Variants in CD28 observed in about 807,000 individuals in gnomAD.
The protein encoded by CD28 is T-cell-specific surface glycoprotein CD28.
A neutral mutation model predicts 21.4 loss-of-function variants in CD28; 8 were observed. That is an observed-to-expected ratio of 0.37 (90% CI 0.22 to 0.68). CD28 has a LOEUF of 0.68. Among genes scored for constraint, CD28 ranks in the 30% least tolerant of loss-of-function variants. The pLI is 0.55. For missense variants in CD28, 239 were observed against 272.2 expected (o/e 0.88, Z 0.86); for synonymous variants, 106 against 104.0 (o/e 1.02, Z -0.12).
rs200433800 is a variant in CD28, at chr2:203,716,491, GA to G, written c.52+9745del. Among the ~76,000 whole-genome samples the G allele has an allele frequency of 9.2e-3, 1,395 of 152,250 alleles. 22 individuals carry two copies. The highest frequency in any genetic ancestry group is 0.033 in the African/African-American group (1,350 of 41,522). On this transcript the variant is annotated intron_variant, in intron 1 of 3. Transcript: ENST00000324106. ...ACATTAAGTCCCTTATTTATTTGAT[GA>G]ATAAATGAATGAATGACGCTGTCAC...
intron 1 of CD28, among the ~76,000 whole-genome samples, chr2:203,714,456 T>C (rs1559551151): frequency 6.6e-6 from 1 of 152,168 alleles, no homozygotes; most frequent in South Asian, 2.1e-4. Context: ...ATATGGTTGC[T>C]TGACCTTGGC....
chr2:203,733,147 C>T (rs946803258), intron 3 of CD28, among the ~76,000 whole-genome samples: 2 of 152,190 alleles, frequency 1.3e-5, no homozygotes, highest in Non-Finnish European at 2.9e-5. Flanking sequence ...TGATCTTGTG[C>T]TCAAGACAGC....
chr2:203,724,962 T>G (rs1693701658), intron 1 of CD28, among the ~76,000 whole-genome samples: 2 of 152,174 alleles, frequency 1.3e-5, no homozygotes, highest in African/African-American at 4.8e-5. Context: ...CATTGAAATT[T>G]GAATCAAAGA....
intron 1 of CD28, among the ~76,000 whole-genome samples, chr2:203,720,907 A>G (rs1447228581): frequency 6.6e-6 from 1 of 152,168 alleles, no homozygotes; most frequent in African/African-American, 2.4e-5. Flanking sequence ...CCAAAAGTAA[A>G]TTTCTCTCAT....
rs1019350257 is a variant in CD28, at chr2:203,734,713, A to T, written c.535-71A>T. 4.5e-6 allele frequency: 7 copies of T among 1,550,610 alleles called. No homozygotes were observed. The African/African-American group carries it at 8.2e-5, about 18-fold the overall frequency. ...TCATTTGACAGTTAATATTATGAATAGTTGTGCCCACAGTCTTAGAACTCC... is the reference window on the plus strand; with the variant it reads ...TCATTTGACAGTTAATATTATGAATTGTTGTGCCCACAGTCTTAGAACTCC... On this transcript the variant is annotated intron_variant, in intron 3 of 3. Coordinates refer to ENST00000324106, the MANE Select transcript of CD28 (RefSeq NM_006139.4).
intron 1 of CD28, among the ~76,000 whole-genome samples, chr2:203,714,026 A>AT (rs1559550990): frequency 1.3e-5 from 2 of 151,956 alleles, no homozygotes; most frequent in South Asian, 2.1e-4. Flanking sequence ...GATTTGTTGC[A>AT]TAGGAGATGA....
At chr2:203,733,536 T>C (rs1214023996) in intron 3 of CD28, among the ~76,000 whole-genome samples, 1 of 152,100 alleles carries the variant, frequency 6.6e-6, no homozygotes, top group Non-Finnish European at 1.5e-5. Flanking sequence ...AGGTGGTAAT[T>C]GAAGCTGTGA....
intron 1 of CD28, among the ~76,000 whole-genome samples, chr2:203,718,353 A>T (rs913882213): frequency 1.3e-5 from 2 of 152,204 alleles, no homozygotes; most frequent in African/African-American, 4.8e-5. Context: ...AAATATACTC[A>T]GAGGAAAGTT....
intron 1 of CD28, among the ~76,000 whole-genome samples, chr2:203,709,961 A>G (rs1355756724): frequency 6.6e-6 from 1 of 152,222 alleles, no homozygotes; most frequent in Non-Finnish European, 1.5e-5. Flanking sequence ...AAAGCAGGAA[A>G]ATAACTGACA....
chr2:203,735,229 T>G lies in CD28; in HGVS notation c.*317T>G, dbSNP rs202087235. The G allele has an allele frequency of 6.4e-6, 2 of 314,462 alleles. No individual in the cohort carries two copies. Among genetic ancestry groups the G allele is most frequent in the Non-Finnish European group, 1.2e-5 (2 of 169,960 alleles). 19.5% of individuals were successfully genotyped at this position (314,462 alleles called of 1,614,324 possible). On this transcript the variant is annotated 3_prime_UTR_variant, in exon 4 of 4. Transcript: ENST00000324106. ...GAGTGGATTCTGGGAGCCTCTTCCC[T>G]TTCTCACTCACCTGCACATCTCAGT...
chr2:203,737,897 G>A lies in CD28; in HGVS notation c.*2985G>A, dbSNP rs1012424953. On this transcript the variant is annotated 3_prime_UTR_variant, in exon 4 of 4. Coordinates refer to ENST00000324106, the MANE Select transcript of CD28 (RefSeq NM_006139.4). ...TGGTATTAAGAAAGATATGCTTTCA[G>A]AATAGATATGCTTCGCTTTGGCAAG... The A allele has an allele frequency of 6.6e-6, 1 of 152,434 alleles. No homozygotes were observed. The highest frequency in any genetic ancestry group is 2.4e-5 in the African/African-American group (1 of 41,432). 9.4% of individuals were successfully genotyped at this position (152,434 alleles called of 1,614,324 possible).
At chr2:203,723,348 G>A (rs1280750882) in intron 1 of CD28, among the ~76,000 whole-genome samples, 1 of 151,786 alleles carries the variant, frequency 6.6e-6, no homozygotes, top group Non-Finnish European at 1.5e-5. Context: ...TTAGCTGGGG[G>A]TGGTGGTGGT....
Position 203,730,600 on chromosome 2 carries a change from A to G in CD28, c.534+828A>G, listed in dbSNP as rs1693864747. 5.3e-5 allele frequency among the ~76,000 whole-genome samples: 8 copies of G among 152,320 alleles called. No homozygotes were observed. In the South Asian group the frequency reaches 1.7e-3, roughly 32 times the overall value. On this transcript the variant is annotated intron_variant, in intron 3 of 3. Transcript: ENST00000324106. ...TTTCTAGAAGTTACATGCATGGATGAGTCATTTCTTCAATGAGAAATGTAT... is the reference window on the plus strand; with the variant it reads ...TTTCTAGAAGTTACATGCATGGATGGGTCATTTCTTCAATGAGAAATGTAT...
chr2:203,727,810 G>T (rs552312296), intron 2 of CD28, among the ~76,000 whole-genome samples: 4 of 152,290 alleles, frequency 2.6e-5, no homozygotes, highest in South Asian at 2.1e-4. Context: ...CTCCTGAGTA[G>T]CTGGGACTAC....
chr2:203,726,673 G>T lies in CD28; in HGVS notation c.93G>T (p.Ala31=). The change falls in exon 2 of 4, where the codon GCG becomes GCT. Residue 31 remains alanine (A), a synonymous_variant. Transcript: ENST00000324106. ...ILVKQSPMLV[A]YDNAVNLSCK... ...TGAAGCAGTCGCCCATGCTTGTAGC[G>T]TACGACAATGCGGTCAACCTTAGCT... The T allele has an allele frequency of 6.2e-7, 1 of 1,613,942 alleles. No individual in the cohort carries two copies. The highest frequency in any genetic ancestry group is 1.3e-5 in the African/African-American group (1 of 74,994).
chr2:203,710,589 T>G (rs984511195), intron 1 of CD28, among the ~76,000 whole-genome samples: 4 of 152,232 alleles, frequency 2.6e-5, no homozygotes, highest in African/African-American at 9.7e-5. Context: ...GCCATATGAT[T>G]ACCATTTGGC....
At chr2:203,718,288 AAGG>A (rs1344585170) in intron 1 of CD28, among the ~76,000 whole-genome samples, 1 of 152,138 alleles carries the variant, frequency 6.6e-6, no homozygotes, top group African/African-American at 2.4e-5. Context: ...AGAGCCTGAA[AAGG>A]AGCCAGTGGT....
In CD28 at chr2:203,737,430, C is replaced by G. The variant is rs200544011; in HGVS notation, c.*2518C>G. 3.3e-5 allele frequency: 5 copies of G among 151,980 alleles called. No individual in the cohort carries two copies. Among genetic ancestry groups the G allele is most frequent in the Non-Finnish European group, 1.5e-5 (1 of 67,980 alleles). The allele number at this position is 151,980 out of a possible 1,614,324, so 9.4% of individuals were successfully genotyped here. On this transcript the variant is annotated 3_prime_UTR_variant, in exon 4 of 4. Transcript: ENST00000324106. Reference sequence around the variant, plus strand: ...AATGGCAGTGGCAAATAAATAAATACTTTTTTTTAAATGGAAAGACTTGAT... The same window carrying G: ...AATGGCAGTGGCAAATAAATAAATAGTTTTTTTTAAATGGAAAGACTTGAT...
chr2:203,729,223 G>C (rs1174839966), intron 2 of CD28, among the ~76,000 whole-genome samples: 1 of 152,170 alleles, frequency 6.6e-6, no homozygotes, highest in Non-Finnish European at 1.5e-5. Context: ...CCAGTGTTCT[G>C]ACTGCCATAT....
Sources: allele counts gnomAD v4.1 joint callset (sites outside exome capture counted in the v4.1 genomes callset), GRCh38; gene constraint gnomAD v4.1.1; transcripts MANE v1.5; gene names NCBI Gene and HGNC (gene_info 2026-07-23, HGNC 2026-07-21).